CTNNA3: variants seen among roughly 807,000 people sequenced by gnomAD.
CTNNA3 encodes catenin alpha-3.
A neutral mutation model predicts 95.7 loss-of-function variants in CTNNA3; 76 were observed. The ratio of observed to expected loss-of-function variants is 0.79; its 90% confidence interval spans 0.66 to 0.96. The LOEUF (loss-of-function observed/expected upper bound fraction) is 0.96, where lower values mean the gene tolerates loss of function less well. Among genes scored for constraint, CTNNA3 ranks in the 40% least tolerant of loss-of-function variants. The probability of loss-of-function intolerance (pLI) is 0.00; values close to 1 mark genes in which losing one functional copy is unlikely to be tolerated. For synonymous variants in CTNNA3, 431 were observed against 374.4 expected, an observed-to-expected ratio of 1.15 and a Z score of -1.74; for missense variants, 1,191 against 1,089.8, an observed-to-expected ratio of 1.09 and a Z score of -1.31.
intron 16 of CTNNA3, among the ~76,000 whole-genome samples, chr10:65,968,601 C>T (rs963675559): frequency 9.9e-5 from 15 of 152,162 alleles, no homozygotes; most frequent in South Asian, 2.1e-4. Context: ...CTCCACTCCA[C>T]GCTTGGGCAG....
intron 5 of CTNNA3, among the ~76,000 whole-genome samples, chr10:67,378,609 C>G (rs1056066880): frequency 2.0e-5 from 3 of 152,114 alleles, no homozygotes; most frequent in African/African-American, 7.2e-5. Flanking sequence ...ATAACCTTGA[C>G]ATGTTTGGAA....
chr10:67,083,206 C>T (rs1857136305), intron 7 of CTNNA3, among the ~76,000 whole-genome samples: 1 of 152,112 alleles, frequency 6.6e-6, no homozygotes, highest in Non-Finnish European at 1.5e-5. Context: ...AACCACATTG[C>T]TAATGTCCTC....
At chr10:67,746,871 T>A (rs886538111) in intron 1 of CTNNA3, among the ~76,000 whole-genome samples, 27 of 151,984 alleles carry the variant, frequency 1.8e-4, no homozygotes, top group Admixed American at 1.6e-3. Context: ...GGGGAAGTGG[T>A]GGGGGCAGGA....
intron 7 of CTNNA3, among the ~76,000 whole-genome samples, chr10:67,090,961 A>G (rs1261316164): frequency 6.6e-6 from 1 of 152,066 alleles, no homozygotes; most frequent in Non-Finnish European, 1.5e-5. Context: ...TAGAAACCAA[A>G]ATAGTGATTA....
intron 9 of CTNNA3, among the ~76,000 whole-genome samples, chr10:66,700,690 T>G (rs982998946): frequency 6.6e-6 from 1 of 152,158 alleles, no homozygotes; most frequent in Non-Finnish European, 1.5e-5. Context: ...TCCATCATTC[T>G]AAATTAATTA....
intron 9 of CTNNA3, among the ~76,000 whole-genome samples, chr10:66,664,151 T>C: frequency 6.6e-6 from 1 of 152,116 alleles, no homozygotes; most frequent in South Asian, 2.1e-4. Context: ...AAAAGATTAA[T>C]CTTTATTCTG....
intron 13 of CTNNA3, among the ~76,000 whole-genome samples, chr10:66,112,934 G>C (rs1299370000): frequency 6.6e-6 from 1 of 152,056 alleles, no homozygotes; most frequent in African/African-American, 2.4e-5. Flanking sequence ...AATAAACATG[G>C]GAGTCCAGAT....
At chr10:65,960,726 G>C (rs531446013) in intron 17 of CTNNA3, among the ~76,000 whole-genome samples, 2 of 152,082 alleles carry the variant, frequency 1.3e-5, no homozygotes, top group Non-Finnish European at 2.9e-5. Flanking sequence ...TTATGTCCCT[G>C]TGTAATTAAT....
chr10:66,074,834 T>C (rs1003964753), intron 14 of CTNNA3, among the ~76,000 whole-genome samples: 4 of 151,892 alleles, frequency 2.6e-5, no homozygotes, highest in Non-Finnish European at 5.9e-5. Context: ...ACTTTTTAGA[T>C]GTATTTTTTT....
chr10:66,895,005 AT>A (rs1391121337), intron 7 of CTNNA3, among the ~76,000 whole-genome samples: 9 of 146,038 alleles, frequency 6.2e-5, no homozygotes, highest in Admixed American at 5.5e-4. Context: ...ATATTTATAT[AT>A]AATTGTGCCA....
chr10:66,376,779 T>C (rs925032024), intron 12 of CTNNA3, among the ~76,000 whole-genome samples: 5 of 152,134 alleles, frequency 3.3e-5, no homozygotes, highest in Non-Finnish European at 7.4e-5. Context: ...GATATTACTG[T>C]TCACTTGCTA....
intron 8 of CTNNA3, among the ~76,000 whole-genome samples, chr10:66,771,118 C>A (rs1358421109): frequency 6.6e-6 from 1 of 152,036 alleles, no homozygotes; most frequent in African/African-American, 2.4e-5. Flanking sequence ...AGAGATGGAC[C>A]TAACAATTCA....
chr10:67,296,728 G>A (rs552833596), intron 5 of CTNNA3, among the ~76,000 whole-genome samples: 1 of 151,988 alleles, frequency 6.6e-6, no homozygotes, highest in Non-Finnish European at 1.5e-5. Context: ...GAGGTCAGGA[G>A]TTCAAGACCA....
At chr10:67,666,141 A>G (rs1840326284) in intron 1 of CTNNA3, among the ~76,000 whole-genome samples, 1 of 152,198 alleles carries the variant, frequency 6.6e-6, no homozygotes, top group South Asian at 2.1e-4. Context: ...GGTATACTAC[A>G]TGATGCTGAC....
At chr10:66,515,816 C>A (rs1162305807) in intron 11 of CTNNA3, among the ~76,000 whole-genome samples, 1 of 151,980 alleles carries the variant, frequency 6.6e-6, no homozygotes, top group Non-Finnish European at 1.5e-5. Context: ...GGGGAAACCA[C>A]CCCTGTGATT....
chr10:67,184,963 C>T (rs967697704), intron 6 of CTNNA3, among the ~76,000 whole-genome samples: 7 of 152,102 alleles, frequency 4.6e-5, no homozygotes, highest in African/African-American at 9.7e-5. Flanking sequence ...GAAATCCATG[C>T]ATAGTTTTTT....
intron 5 of CTNNA3, among the ~76,000 whole-genome samples, chr10:67,252,776 CAAAT>C (rs1866161574): frequency 6.6e-6 from 1 of 152,128 alleles, no homozygotes; most frequent in African/African-American, 2.4e-5. Context: ...CTGAAATTCT[CAAAT>C]AAACTCAATG....
At chr10:67,167,113 AAG>A (rs1861804516) in intron 7 of CTNNA3, among the ~76,000 whole-genome samples, 2 of 151,860 alleles carry the variant, frequency 1.3e-5, no homozygotes, top group Non-Finnish European at 2.9e-5. Flanking sequence ...TCTCAAAAAA[AAG>A]AAAAAAAAAA....
At chr10:66,933,108 C>T (rs1178915053) in intron 7 of CTNNA3, among the ~76,000 whole-genome samples, 2 of 152,132 alleles carry the variant, frequency 1.3e-5, no homozygotes, top group Admixed American at 1.3e-4. Flanking sequence ...TTCAAAAAGC[C>T]CTTAGTGAGA....
Sources: allele counts gnomAD v4.1 joint callset (sites outside exome capture counted in the v4.1 genomes callset), GRCh38; gene constraint gnomAD v4.1.1; transcripts MANE v1.5; gene names NCBI Gene and HGNC (gene_info 2026-07-23, HGNC 2026-07-21).